MYRIP: variants seen among roughly 807,000 people sequenced by gnomAD.
The protein encoded by MYRIP is myosin VIIA and Rab interacting protein.
Under a neutral mutation model 98.0 loss-of-function variants are expected in MYRIP, and 49 were observed. The observed-to-expected ratio is 0.50, with a 90% CI of 0.40 to 0.63. The LOEUF (loss-of-function observed/expected upper bound fraction) is 0.63. Ranked by LOEUF, MYRIP falls within the 30% of genes least tolerant of loss-of-function variation. MYRIP has a pLI of 0.00. For missense variants in MYRIP, 1,004 were observed against 1,058.2 expected (o/e 0.95, Z 0.71); for synonymous variants, 404 against 409.5 (o/e 0.99, Z 0.16).
intron 10 of MYRIP, among the ~76,000 whole-genome samples, chr3:40,192,343 C>CATATATATATATGTCAT (rs202167228): frequency 4.2e-5 from 2 of 47,570 alleles, no homozygotes; most frequent in African/African-American, 1.3e-4. Context: ...ATATATATGT[C>CATATATATATATGTCAT]ATATATATAT....
intron 2 of MYRIP, among the ~76,000 whole-genome samples, chr3:40,011,334 AAAG>A (rs1365705785): frequency 2.0e-5 from 3 of 152,186 alleles, no homozygotes; most frequent in Non-Finnish European, 4.4e-5. Flanking sequence ...TTCTGTCATT[AAAG>A]AAGAAGGGAG....
chr3:40,149,349 C>T (rs1288544060), intron 3 of MYRIP, among the ~76,000 whole-genome samples: 3 of 152,194 alleles, frequency 2.0e-5, no homozygotes, highest in Non-Finnish European at 4.4e-5. Flanking sequence ...GACACCAAGC[C>T]ATTCATGAGG....
At chr3:40,044,415 G>A in intron 3 of MYRIP, 144 bp downstream of exon 3, 1 of 816,350 alleles carries the variant, frequency 1.2e-6, no homozygotes, top group South Asian at 1.8e-5. Flanking sequence ...GAAGAGAGAT[G>A]CATGGATAAG....
chr3:40,044,117 G>A lies in MYRIP; in HGVS notation c.178G>A (p.Val60Met), dbSNP rs745767029. ...CATCCTCTCGAAGCACCAGCAGTTT[G>A]TGGAGCACTGCTGCATGCGCTGCTG... ...CSILSKHQQF[V>M]EHCCMRCCSP... is the part of the protein sequence containing the mutation. The change falls in exon 3 of 17, where the codon GTG (valine) becomes ATG (methionine). Residue 60 changes from valine (V) to methionine (M), a missense_variant. Physicochemically the swap from Val to Met is conservative, Grantham distance 21. Transcript: ENST00000302541. The A allele has an allele frequency of 2.5e-6, 4 of 1,614,150 alleles. No homozygotes were observed. The Admixed American group carries it at 6.7e-5, about 27-fold the overall frequency.
chr3:40,191,973 G>T (rs1427892836), intron 10 of MYRIP, among the ~76,000 whole-genome samples: 1 of 151,972 alleles, frequency 6.6e-6, no homozygotes, highest in Non-Finnish European at 1.5e-5. Context: ...GCTAATCCTT[G>T]CAAGGCATTG....
chr3:39,905,902 G>A (rs1943867742), intron 2 of MYRIP, among the ~76,000 whole-genome samples: 1 of 152,010 alleles, frequency 6.6e-6, no homozygotes, highest in African/African-American at 2.4e-5. Flanking sequence ...GTCTTGAGAG[G>A]GAGCAGAGGC....
chr3:40,093,522 C>T (rs1350472162), intron 3 of MYRIP, among the ~76,000 whole-genome samples: 1 of 152,188 alleles, frequency 6.6e-6, no homozygotes, highest in East Asian at 1.9e-4. Context: ...ACTATGCAGA[C>T]CAGCTATGCA....
At chr3:39,956,718 C>CA (rs1317340148) in intron 2 of MYRIP, among the ~76,000 whole-genome samples, 4 of 149,398 alleles carry the variant, frequency 2.7e-5, no homozygotes, top group Non-Finnish European at 5.9e-5. Context: ...AAAAACCCTT[C>CA]AAAAAATCAA....
chr3:39,999,606 A>G (rs569946553), intron 2 of MYRIP, among the ~76,000 whole-genome samples: 2 of 152,304 alleles, frequency 1.3e-5, no homozygotes, highest in East Asian at 3.9e-4. Flanking sequence ...ACCATTGTGG[A>G]AGTCAGTGTG....
At position 39,905,705 on chromosome 3, in the gene MYRIP, T is replaced by G. The variant is rs138591159; in HGVS notation, c.110+4779T>G. Among the ~76,000 whole-genome samples the G allele has an allele frequency of 6.3e-3, 953 of 152,318 alleles. 11 individuals carry two copies. The highest frequency in any genetic ancestry group is 0.022 in the African/African-American group (901 of 41,562). ...AACATATTTGAGTCTCCTGTTTTGT[T>G]CATAGGATGATTCTAACTGTTGTAG... is the stretch of plus-strand genomic sequence containing the variant. On this transcript the variant is annotated intron_variant, in intron 2 of 16. Transcript: ENST00000302541.
intron 11 of MYRIP, among the ~76,000 whole-genome samples, chr3:40,216,170 T>TGGAAGGCCA (rs1952114414): frequency 1.3e-5 from 2 of 152,144 alleles, no homozygotes; most frequent in Non-Finnish European, 2.9e-5. Context: ...AGGCATTACC[T>TGGAAGGCCA]GGAAGGCCAG....
intron 3 of MYRIP, among the ~76,000 whole-genome samples, chr3:40,065,933 T>A (rs1007425338): frequency 6.6e-6 from 1 of 152,136 alleles, no homozygotes; most frequent in Admixed American, 6.6e-5. Flanking sequence ...GTCCACCAAC[T>A]GTTTTAGGTG....
At chr3:39,832,839 T>C (rs1412088168) in intron 1 of MYRIP, among the ~76,000 whole-genome samples, 1 of 152,202 alleles carries the variant, frequency 6.6e-6, no homozygotes. Flanking sequence ...TAGGAATATG[T>C]ATCTTTATGT....
chr3:40,020,354 A>G (rs1946964162), intron 2 of MYRIP, among the ~76,000 whole-genome samples: 1 of 152,214 alleles, frequency 6.6e-6, no homozygotes, highest in African/African-American at 2.4e-5. Context: ...CAGCTGTTTA[A>G]GTTACTTGAT....
chr3:40,021,346 C>T (rs1229893841), intron 2 of MYRIP, among the ~76,000 whole-genome samples: 1 of 152,124 alleles, frequency 6.6e-6, no homozygotes, highest in Non-Finnish European at 1.5e-5. Context: ...TGGCATCTCT[C>T]CACAAACTGA....
At chr3:39,986,800 A>C (rs1946042621) in intron 2 of MYRIP, among the ~76,000 whole-genome samples, 1 of 152,084 alleles carries the variant, frequency 6.6e-6, no homozygotes, top group Non-Finnish European at 1.5e-5. Flanking sequence ...TTCTTTTCTC[A>C]AGGTGGGACC....
At chr3:40,033,532 CA>C (rs1226181991) in intron 2 of MYRIP, among the ~76,000 whole-genome samples, 1 of 152,142 alleles carries the variant, frequency 6.6e-6, no homozygotes, top group African/African-American at 2.4e-5. Flanking sequence ...AGGACCTCTT[CA>C]AGGAGAACTA....
chr3:40,251,842 T>A (rs942053090), intron 15 of MYRIP, 39 bp from the exon 16 acceptor site: 2 of 1,387,722 alleles, frequency 1.4e-6, no homozygotes, highest in Non-Finnish European at 2.1e-6. Context: ...AATCAGTCCA[T>A]CTTCTGGGTA....
intron 2 of MYRIP, among the ~76,000 whole-genome samples, chr3:39,931,563 G>C (rs1944537203): frequency 6.6e-6 from 1 of 151,966 alleles, no homozygotes; most frequent in Non-Finnish European, 1.5e-5. Flanking sequence ...GAATAGAAGT[G>C]ATGAGAGATC....
Sources: gnomAD v4.1 joint callset for allele counts (sites outside exome capture counted in the v4.1 genomes callset) on GRCh38, gnomAD v4.1.1 for gene constraint, MANE v1.5 for transcripts, NCBI Gene and HGNC (gene_info 2026-07-23, HGNC 2026-07-21) for gene names.